Variants in VSTM5 observed in about 807,000 individuals in gnomAD.
VSTM5 encodes V-set and transmembrane domain containing 5.
VSTM5 carries 21 observed loss-of-function variants against 20.3 expected under a neutral mutation model. That is an observed-to-expected ratio of 1.03 (90% CI 0.73 to 1.49). VSTM5 has a LOEUF of 1.49. VSTM5 is among the 40% of genes most tolerant of loss of function. VSTM5 has a pLI of 0.00. For missense variants in VSTM5, 219 were observed against 250.0 expected (o/e 0.88, Z 0.84); for synonymous variants, 100 against 102.5 (o/e 0.98, Z 0.14).
intron 1 of VSTM5, among the ~76,000 whole-genome samples, chr11:93,822,625 A>G (rs569428169): frequency 6.6e-6 from 1 of 152,224 alleles, no homozygotes; most frequent in South Asian, 2.1e-4. Flanking sequence ...GATTACAGGC[A>G]TGTGCCACCA....
Position 93,820,752 on chromosome 11 carries a change from T to C in VSTM5, c.550A>G (p.Lys184Glu). Residue 184 changes from lysine to glutamate, a missense_variant, in exon 3 of 4, where the codon AAA (lysine) becomes GAA (glutamate). Coordinates refer to ENST00000409977, the MANE Select transcript of VSTM5 (RefSeq NM_001144871.2). Reference sequence around the variant, plus strand: ...AGGCCCAGGGGGTTACCTTTGAGTTTGTGTCTTCTCTTCCTCTGAAATTTA... The same window carrying C: ...AGGCCCAGGGGGTTACCTTTGAGTTCGTGTCTTCTCTTCCTCTGAAATTTA... Reference protein sequence around the residue: ...AYKFQRKRRHKLKESTTEEIE... With the variant: ...AYKFQRKRRHELKESTTEEIE... The C allele has an allele frequency of 6.4e-7, 1 of 1,551,726 alleles. No homozygotes were observed. The highest frequency in any genetic ancestry group is 8.7e-7 in the Non-Finnish European group (1 of 1,147,002).
rs534319507 is a variant in VSTM5 at position 93,826,664 on chromosome 11, G to A, written c.92-5341C>T. On this transcript the variant is annotated intron_variant, in intron 1 of 3. Coordinates refer to ENST00000409977, the MANE Select transcript of VSTM5 (RefSeq NM_001144871.2). ...TCCGCCCGCCTCAGCCTCCCAAAGC[G>A]CTGGGATTACAAGCATGAGCCACCG... Among the ~76,000 whole-genome samples, 763 of 152,170 alleles carry A rather than the reference G, an allele frequency of 5.0e-3. 2 individuals are homozygous for A. Among genetic ancestry groups the A allele is most frequent in the South Asian group, 0.023 (109 of 4,820 alleles).
intron 1 of VSTM5, among the ~76,000 whole-genome samples, chr11:93,826,566 T>A (rs1388931806): frequency 6.6e-6 from 1 of 151,680 alleles, no homozygotes; most frequent in Non-Finnish European, 1.5e-5. Flanking sequence ...CCTGGCTAAT[T>A]TTTTTTGTAT....
In VSTM5 at chr11:93,850,434, C is replaced by T; in HGVS notation, c.69G>A (p.Leu23=). The T allele has an allele frequency of 6.5e-7, 1 of 1,549,328 alleles. No individual in the cohort carries two copies. Among genetic ancestry groups the T allele is most frequent in the Non-Finnish European group, 8.7e-7 (1 of 1,146,322 alleles). The change falls in exon 1 of 4, where the codon CTG becomes CTA. Residue 23 remains leucine, a synonymous_variant. Coordinates refer to ENST00000409977, the MANE Select transcript of VSTM5 (RefSeq NM_001144871.2). Reference sequence around the variant, plus strand: ...TACTCTGCAGACAGCGGGCTGCGGCCAGGCAGAGGGCGAAGAGTCCTAGGG... The same window carrying T: ...TACTCTGCAGACAGCGGGCTGCGGCTAGGCAGAGGGCGAAGAGTCCTAGGG... ...GISLGLFALC[L]AAARCLQSQG...
At chr11:93,826,406 C>CT (rs1000270798) in intron 1 of VSTM5, among the ~76,000 whole-genome samples, 7 of 150,294 alleles carry the variant, frequency 4.7e-5, no homozygotes, top group East Asian at 3.9e-4. Context: ...CATCTGTTTT[C>CT]TTTTTTTTTG....
At chr11:93,824,398 G>A (rs772819508) in intron 1 of VSTM5, among the ~76,000 whole-genome samples, 23 of 152,020 alleles carry the variant, frequency 1.5e-4, no homozygotes, top group Admixed American at 3.9e-4. Flanking sequence ...GTTTTGATTT[G>A]CACTTCCCTG....
At chr11:93,835,167 G>A (rs1445335175) in intron 1 of VSTM5, among the ~76,000 whole-genome samples, 1 of 152,094 alleles carries the variant, frequency 6.6e-6, no homozygotes, top group African/African-American at 2.4e-5. Flanking sequence ...GCTCATGCTT[G>A]TAATCCCAGC....
rs982590921 is a variant in VSTM5 at position 93,820,258 on chromosome 11, G to A, written c.*311C>T. ...CATCCTGCACACCAGAGCAAGTGTC[G>A]TGAGCAAGCAGCCAACGCCTGCACT... On this transcript the variant is annotated 3_prime_UTR_variant, in exon 4 of 4. Coordinates refer to ENST00000409977, the MANE Select transcript of VSTM5 (RefSeq NM_001144871.2). 4.5e-5 allele frequency: 17 copies of A among 373,704 alleles called. No individual in the cohort carries two copies. Among genetic ancestry groups the A allele is most frequent in the South Asian group, 2.0e-4 (7 of 35,750 alleles). The allele number at this position is 373,704 out of a possible 1,614,324, so 23.1% of individuals were successfully genotyped here.
intron 1 of VSTM5, among the ~76,000 whole-genome samples, chr11:93,845,884 C>T (rs1944407702): frequency 6.6e-6 from 1 of 152,268 alleles, no homozygotes; most frequent in African/African-American, 2.4e-5. Context: ...CAAGAGTCAA[C>T]CTCACCTGCT....
In VSTM5 at chr11:93,850,573, C is replaced by A; in HGVS notation, c.-71G>T. The A allele has an allele frequency of 5.5e-6, 6 of 1,095,624 alleles. No homozygotes were observed. Among genetic ancestry groups the A allele is most frequent in the Non-Finnish European group, 7.5e-6 (6 of 799,062 alleles). The allele number at this position is 1,095,624 out of a possible 1,614,324, so 67.9% of individuals were successfully genotyped here. The stretch of plus-strand genomic sequence containing the variant: ...CGCGCTGCAGCTCCTATGCAGCCTT[C>A]TCTCTTCCTCCGCCTCTGGCTGCCG... On this transcript the variant is annotated 5_prime_UTR_variant, in exon 1 of 4. Coordinates refer to ENST00000409977, the MANE Select transcript of VSTM5 (RefSeq NM_001144871.2).
chr11:93,838,485 A>G (rs1262984813), intron 1 of VSTM5, among the ~76,000 whole-genome samples: 1 of 150,846 alleles, frequency 6.6e-6, no homozygotes, highest in Non-Finnish European at 1.5e-5. Context: ...AAAACCCACA[A>G]AAAACAAAAA....
chr11:93,839,253 G>A (rs907722479), intron 1 of VSTM5, among the ~76,000 whole-genome samples: 2 of 152,248 alleles, frequency 1.3e-5, no homozygotes, highest in Admixed American at 1.3e-4. Context: ...AGAGAAAGCT[G>A]GTTCTGGCAA....
At chr11:93,837,101 G>A (rs1298656887) in intron 1 of VSTM5, among the ~76,000 whole-genome samples, 1 of 151,208 alleles carries the variant, frequency 6.6e-6, no homozygotes, top group African/African-American at 2.4e-5. Context: ...TCATGATCTT[G>A]GCTCACTGCA....
chr11:93,826,162 C>T (rs989042154), intron 1 of VSTM5, among the ~76,000 whole-genome samples: 1 of 151,928 alleles, frequency 6.6e-6, no homozygotes, highest in Non-Finnish European at 1.5e-5. Flanking sequence ...ATCACCTGAG[C>T]CCAGGAGTTC....
chr11:93,843,150 C>T (rs1944384647), intron 1 of VSTM5, among the ~76,000 whole-genome samples: 1 of 151,962 alleles, frequency 6.6e-6, no homozygotes, highest in Non-Finnish European at 1.5e-5. Context: ...CGAGTAAATT[C>T]TCCTCCAGAA....
At chr11:93,827,111 C>T (rs766831348) in intron 1 of VSTM5, among the ~76,000 whole-genome samples, 4 of 152,158 alleles carry the variant, frequency 2.6e-5, no homozygotes, top group South Asian at 4.1e-4. Flanking sequence ...AGGCCGGACA[C>T]GGTGGCTCAT....
At chr11:93,842,610 G>A (rs543972778) in intron 1 of VSTM5, among the ~76,000 whole-genome samples, 25 of 152,356 alleles carry the variant, frequency 1.6e-4, no homozygotes, top group African/African-American at 5.3e-4. Context: ...TGGGTTTGCC[G>A]TCTGCAAAGC....
At chr11:93,850,274 C>T in intron 1 of VSTM5, 138 bp downstream of exon 1, 1 of 636,920 alleles carries the variant, frequency 1.6e-6, no homozygotes, top group Non-Finnish European at 2.5e-6. Context: ...CGGTGCCTGC[C>T]AGCCGAGCTC....
chr11:93,838,040 C>G, intron 1 of VSTM5, among the ~76,000 whole-genome samples: 1 of 152,056 alleles, frequency 6.6e-6, no homozygotes, highest in African/African-American at 2.4e-5. Flanking sequence ...AAGGCCCTTC[C>G]CAATCCCTGC....
Sources: gnomAD v4.1 joint callset for allele counts (sites outside exome capture counted in the v4.1 genomes callset) on GRCh38, gnomAD v4.1.1 for gene constraint, MANE v1.5 for transcripts, NCBI Gene and HGNC (gene_info 2026-07-23, HGNC 2026-07-21) for gene names.